The following SCRG1 variants were observed in gnomAD, a reference collection of about 807,000 sequenced individuals.
SCRG1 encodes the protein stimulator of chondrogenesis 1.
A neutral mutation model predicts 7.7 loss-of-function variants in SCRG1; 3 were observed. The ratio of observed to expected loss-of-function variants is 0.39; its 90% CI spans 0.18 to 1.01. The LOEUF (loss-of-function observed/expected upper bound fraction) is 1.01, where lower values mean the gene tolerates loss of function less well. Ranked by LOEUF, SCRG1 falls within the 50% of genes least tolerant of loss-of-function variation. The pLI is 0.36. For missense variants in SCRG1, 110 were observed against 117.2 expected (o/e 0.94, Z 0.28); for synonymous variants, 46 against 41.2 (o/e 1.12, Z -0.44).
At chr4:173,449,800 G>A in the SCRG1 span, among the ~76,000 whole-genome samples, 4 of 152,258 alleles carry the variant, frequency 2.6e-5, 1 homozygote, top group African/African-American at 7.2e-5. Flanking sequence ...TTCTCAACTG[G>A]AAACATCTTA....
At chr4:173,417,730 A>C in the SCRG1 span, among the ~76,000 whole-genome samples, 1 of 152,062 alleles carries the variant, frequency 6.6e-6, no homozygotes, top group African/African-American at 2.4e-5. Context: ...TCCTGGGCTC[A>C]AGCGATCCTC....
the SCRG1 span, chr4:173,419,690 G>T: frequency 1.2e-6 from 1 of 832,138 alleles, no homozygotes; most frequent in Non-Finnish European, 2.1e-6. Flanking sequence ...TCCCTTCGGG[G>T]CACCAAACAC....
chr4:173,442,830 C>A, the SCRG1 span, among the ~76,000 whole-genome samples: 1 of 152,182 alleles, frequency 6.6e-6, no homozygotes. Context: ...AGGTAATTAA[C>A]ACACTGGCAT....
chr4:173,436,310 T>A, the SCRG1 span, among the ~76,000 whole-genome samples: 1 of 152,190 alleles, frequency 6.6e-6, no homozygotes, highest in East Asian at 1.9e-4. Context: ...TTGCTCTTGC[T>A]TTACCCTCTT....
the SCRG1 span, among the ~76,000 whole-genome samples, chr4:173,511,074 C>G: frequency 3.6e-4 from 55 of 152,292 alleles, no homozygotes; most frequent in African/African-American, 1.3e-3. This position sits in a 1 kb window ranked among gnomAD's most constrained non-coding sequence, Gnocchi z 5.2. Context: ...TCAAGCGATT[C>G]TCCTACCTCA....
the SCRG1 span, among the ~76,000 whole-genome samples, chr4:173,486,332 C>A: frequency 9.9e-5 from 15 of 152,098 alleles, no homozygotes; most frequent in Non-Finnish European, 2.1e-4. Context: ...ACCTTAAATT[C>A]TTTCTTACCA....
At chr4:173,506,805 G>A in the SCRG1 span, among the ~76,000 whole-genome samples, 2 of 152,186 alleles carry the variant, frequency 1.3e-5, no homozygotes, top group Non-Finnish European at 2.9e-5. This position sits in a 1 kb window ranked among gnomAD's most constrained non-coding sequence, Gnocchi z 5.3. Flanking sequence ...CGGGACGGCG[G>A]TGTCTAGTCC....
the SCRG1 span, among the ~76,000 whole-genome samples, chr4:173,503,235 G>A: frequency 6.6e-6 from 1 of 152,198 alleles, no homozygotes; most frequent in African/African-American, 2.4e-5. The surrounding 1 kb of genome is among the most constrained non-coding windows in gnomAD (Gnocchi z 6.4). Context: ...GGAGAAGGTG[G>A]TGTTCCAGCT....
At chr4:173,423,795 T>C in the SCRG1 span, among the ~76,000 whole-genome samples, 2 of 152,122 alleles carry the variant, frequency 1.3e-5, no homozygotes, top group African/African-American at 4.8e-5. Flanking sequence ...AAAGAAAAGA[T>C]GTTTATTTGG....
At chr4:173,438,937 C>T in the SCRG1 span, among the ~76,000 whole-genome samples, 1 of 152,004 alleles carries the variant, frequency 6.6e-6, no homozygotes, top group Non-Finnish European at 1.5e-5. Flanking sequence ...TGGACACCTA[C>T]ATGGTTTCCA....
intron 1 of SCRG1, among the ~76,000 whole-genome samples, chr4:173,394,259 TC>T (rs1363944152): frequency 6.6e-6 from 1 of 152,056 alleles, no homozygotes; most frequent in Non-Finnish European, 1.5e-5. Flanking sequence ...TTCTTCTTCT[TC>T]TTTTTTTTTC....
the SCRG1 span, among the ~76,000 whole-genome samples, chr4:173,411,425 C>A: frequency 6.6e-6 from 1 of 152,136 alleles, no homozygotes; most frequent in Non-Finnish European, 1.5e-5. Context: ...CAAGTGAAAC[C>A]TATCTTTTCC....
the SCRG1 span, among the ~76,000 whole-genome samples, chr4:173,483,026 G>GTAATATATTTCATGTATATTTTATATA: frequency 8.2e-6 from 1 of 121,488 alleles, no homozygotes; most frequent in African/African-American, 3.2e-5. Context: ...TAATTTATAT[G>GTAATATATTTCATGTATATTTTATATA]TAATATATTT....
At chr4:173,429,202 C>T in the SCRG1 span, among the ~76,000 whole-genome samples, 30 of 152,206 alleles carry the variant, frequency 2.0e-4, no homozygotes, top group African/African-American at 7.0e-4. Context: ...ATGAGTTGTT[C>T]CATTCTTTTT....
At chr4:173,399,407 T>G (rs906623055), upstream of SCRG1, 1 of 151,762 alleles carries the variant, frequency 6.6e-6, no homozygotes, top group African/African-American at 2.4e-5. Context: ...CTGGTAGCAA[T>G]AAAACATAAA....
chr4:173,504,328 A>G, the SCRG1 span, among the ~76,000 whole-genome samples: 4 of 152,052 alleles, frequency 2.6e-5, no homozygotes, highest in African/African-American at 9.7e-5. The surrounding 1 kb of genome is among the most constrained non-coding windows in gnomAD (Gnocchi z 4.7). Flanking sequence ...CGGTAGCCGT[A>G]TGGGGGAGGA....
the SCRG1 span, among the ~76,000 whole-genome samples, chr4:173,429,557 A>G: frequency 1.3e-5 from 2 of 152,198 alleles, no homozygotes; most frequent in Non-Finnish European, 2.9e-5. Flanking sequence ...TTAGCTTCCC[A>G]AAGCTTGTGA....
intron 1 of SCRG1, among the ~76,000 whole-genome samples, chr4:173,397,838 A>T (rs949578270): frequency 1.3e-5 from 2 of 152,238 alleles, no homozygotes; most frequent in African/African-American, 4.8e-5. Flanking sequence ...AGTGGCATGA[A>T]ACAGAGTTGA....
the SCRG1 span, among the ~76,000 whole-genome samples, chr4:173,502,260 C>G: frequency 8.5e-5 from 13 of 152,048 alleles, no homozygotes; most frequent in African/African-American, 2.9e-4. This position sits in a 1 kb window ranked among gnomAD's most constrained non-coding sequence, Gnocchi z 4.6. Flanking sequence ...AGTATGTGAG[C>G]CACATGGTCC....
Sources: allele counts gnomAD v4.1 joint callset (sites outside exome capture counted in the v4.1 genomes callset), GRCh38; gene constraint gnomAD v4.1.1; non-coding constraint Gnocchi (gnomAD v3.1); transcripts MANE v1.5; gene names NCBI Gene and HGNC (gene_info 2026-07-23, HGNC 2026-07-21).